The following DNAJB6 variants were observed in gnomAD, a reference collection of about 807,000 sequenced individuals.
DNAJB6 encodes the protein dnaJ homolog subfamily B member 6.
DNAJB6 carries 16 observed loss-of-function variants against 42.7 expected under a neutral mutation model. The observed-to-expected ratio is 0.37, with a 90% CI of 0.25 to 0.57. The LOEUF (loss-of-function observed/expected upper bound fraction) is 0.57. Ranked by LOEUF, DNAJB6 falls within the 20% of genes least tolerant of loss-of-function variation. DNAJB6 has a pLI of 0.74. For synonymous variants in DNAJB6, 170 were observed against 163.5 expected, an observed-to-expected ratio of 1.04 and a Z score of -0.30; for missense variants, 347 against 416.8, an observed-to-expected ratio of 0.83 and a Z score of 1.46.
At chr7:157,339,839 C>T (rs934216218) in intron 1 of DNAJB6, 1 of 152,254 alleles carries the variant, frequency 6.6e-6, no homozygotes, top group South Asian at 2.1e-4. Flanking sequence ...GTTGTTCAGG[C>T]TGGTCTCGAA....
chr7:157,341,452 A>G (rs566963944), intron 1 of DNAJB6, among the ~76,000 whole-genome samples: 1 of 152,334 alleles, frequency 6.6e-6, no homozygotes, highest in African/African-American at 2.4e-5. Context: ...GCTGTGTTGC[A>G]AAATTACGTG....
intron 1 of DNAJB6, among the ~76,000 whole-genome samples, chr7:157,339,281 C>CTTTTTTTTTTTTT (rs34284253): frequency 5.9e-5 from 4 of 68,260 alleles, no homozygotes; most frequent in Non-Finnish European, 8.3e-5. Context: ...CTGTTTGCAC[C>CTTTTTTTTTTTTT]TTTTTTTTTT....
At chr7:157,369,638 T>TTTCTTCACATTATTATTAAACGGGCCCC (rs1800024760) in intron 5 of DNAJB6, among the ~76,000 whole-genome samples, 1 of 132,254 alleles carries the variant, frequency 7.6e-6, no homozygotes, top group African/African-American at 3.6e-5. Flanking sequence ...AAAGAGGCCC[T>TTTCTTCACATTATTATTAAACGGGCCCC]TTCTTCACAT....
intron 5 of DNAJB6, chr7:157,370,955 T>C (rs891818165): frequency 1.3e-5 from 2 of 152,678 alleles, no homozygotes; most frequent in Admixed American, 1.3e-4. Flanking sequence ...CACCCTGGTC[T>C]GTGGCCTGTT....
At chr7:157,410,083 G>T (rs1225014464) in intron 9 of DNAJB6, 82 bp downstream of exon 9, 2 of 1,460,636 alleles carry the variant, frequency 1.4e-6, no homozygotes, top group Non-Finnish European at 1.8e-6. Flanking sequence ...CACAAACCGC[G>T]CCTGGGCTGC....
At chr7:157,337,295 C>A (rs1171470974) in intron 1 of DNAJB6, 151 bp downstream of exon 1, 1 of 137,822 alleles carries the variant, frequency 7.3e-6, no homozygotes, top group Non-Finnish European at 1.6e-5. Context: ...GGGCCGTGGC[C>A]GGGGTTGCGG....
chr7:157,344,165 C>G (rs1419542727), intron 1 of DNAJB6, among the ~76,000 whole-genome samples: 1 of 152,042 alleles, frequency 6.6e-6, no homozygotes, highest in Admixed American at 6.6e-5. Flanking sequence ...ATGGTGAAAC[C>G]CCATCTCTAC....
chr7:157,353,377 CTGTAACTGT>C (rs1364462705), intron 1 of DNAJB6, among the ~76,000 whole-genome samples: 3 of 152,160 alleles, frequency 2.0e-5, no homozygotes, highest in African/African-American at 7.2e-5. Context: ...CTTAATCTTT[CTGTAACTGT>C]GGTAACTGTG....
rs34759611 is a variant in DNAJB6 at position 157,394,529 on chromosome 7, G to GAA, written c.691+8927_691+8928dup. Among the ~76,000 whole-genome samples, 730 of 150,168 alleles carry GAA rather than the reference G, an allele frequency of 4.9e-3. 6 individuals are homozygous for GAA. Among genetic ancestry groups the GAA allele is most frequent in the African/African-American group, 0.017 (695 of 40,996 alleles). ...GGTGATGGAGTGAGACCCTGTCTCA[G>GAA]AAAAAAAAAAGTTGAAAATATGAAT... On this transcript the variant is annotated intron_variant, in intron 8 of 9. Coordinates refer to ENST00000262177, the MANE Select transcript of DNAJB6 (RefSeq NM_058246.4).
intron 9 of DNAJB6, chr7:157,414,275 C>G (rs1479144784): frequency 6.6e-6 from 1 of 152,422 alleles, no homozygotes; most frequent in Non-Finnish European, 1.5e-5. Flanking sequence ...CCCCCCCACC[C>G]CGCCCCCATC....
At chr7:157,398,925 G>C (rs1801721662) in intron 8 of DNAJB6, among the ~76,000 whole-genome samples, 1 of 152,190 alleles carries the variant, frequency 6.6e-6, no homozygotes, top group Admixed American at 6.5e-5. Context: ...TAAACAATTA[G>C]TGGTAAATTT....
chr7:157,339,827 A>G (rs1204215300), intron 1 of DNAJB6: 1 of 152,142 alleles, frequency 6.6e-6, no homozygotes, highest in East Asian at 1.9e-4. Context: ...AGGTTTCACT[A>G]TGTTGTTCAG....
chr7:157,367,038 G>A (rs980546576), intron 4 of DNAJB6, among the ~76,000 whole-genome samples: 2 of 152,208 alleles, frequency 1.3e-5, no homozygotes, highest in Admixed American at 6.5e-5. Context: ...GAGGCCAGTC[G>A]TCGAAGTGGA....
At chr7:157,344,058 G>A (rs1798556857) in intron 1 of DNAJB6, among the ~76,000 whole-genome samples, 1 of 152,036 alleles carries the variant, frequency 6.6e-6, no homozygotes, top group South Asian at 2.1e-4. Context: ...TGTTAATTAT[G>A]GGCCGGGTGT....
intron 8 of DNAJB6, among the ~76,000 whole-genome samples, chr7:157,399,116 G>A (rs976893734): frequency 3.3e-5 from 5 of 151,916 alleles, no homozygotes; most frequent in South Asian, 2.1e-4. Context: ...GAGAAGTTGA[G>A]TTGTTTTCTT....
intron 8 of DNAJB6, among the ~76,000 whole-genome samples, chr7:157,391,549 C>T (rs1801342377): frequency 6.6e-6 from 1 of 152,222 alleles, no homozygotes; most frequent in African/African-American, 2.4e-5. Flanking sequence ...ACAAGTTTCC[C>T]TCAGTTGGGG....
At chr7:157,362,444 G>C (rs533799157) in intron 2 of DNAJB6, among the ~76,000 whole-genome samples, 2 of 151,766 alleles carry the variant, frequency 1.3e-5, no homozygotes, top group African/African-American at 4.8e-5. Flanking sequence ...GTGCGATCTC[G>C]GCTCACCACA....
chr7:157,408,980 C>T (rs1364106514), intron 8 of DNAJB6, among the ~76,000 whole-genome samples: 1 of 152,234 alleles, frequency 6.6e-6, no homozygotes, highest in South Asian at 2.1e-4. Context: ...CCACCACCTG[C>T]GGCCTCGCAC....
intron 1 of DNAJB6, among the ~76,000 whole-genome samples, chr7:157,351,977 A>G (rs1483822460): frequency 6.6e-6 from 1 of 152,174 alleles, no homozygotes; most frequent in African/African-American, 2.4e-5. Context: ...CCTGGGCGTC[A>G]GAGAGCGAGA....
Sources: allele counts gnomAD v4.1 joint callset (sites outside exome capture counted in the v4.1 genomes callset), GRCh38; gene constraint gnomAD v4.1.1; transcripts MANE v1.5; gene names NCBI Gene and HGNC (gene_info 2026-07-23, HGNC 2026-07-21).